PCDH9: variants seen among roughly 807,000 people sequenced by gnomAD.
The protein encoded by PCDH9 is protocadherin-9.
Under a neutral mutation model 70.6 loss-of-function variants are expected in PCDH9, and 24 were observed. That is an observed-to-expected ratio of 0.34 (90% CI 0.25 to 0.48). The LOEUF is 0.48. PCDH9 is among the 20% of genes least tolerant of loss of function. The probability of loss-of-function intolerance (pLI) is 0.99; values close to 1 mark genes in which losing one functional copy is unlikely to be tolerated. For synonymous variants in PCDH9, 562 were observed against 558.5 expected, an observed-to-expected ratio of 1.01 and a Z score of -0.09; for missense variants, 1,281 against 1,503.6, an observed-to-expected ratio of 0.85 and a Z score of 2.45.
chr13:66,708,403 G>GT (rs36087870), intron 3 of PCDH9, among the ~76,000 whole-genome samples: 48,692 of 136,902 alleles, frequency 0.36, 8,893 homozygotes, highest in East Asian at 0.51. Context: ...TTGAGATTTA[G>GT]TTTTTTTTTT....
At chr13:66,428,584 T>C (rs968189330) in intron 4 of PCDH9, among the ~76,000 whole-genome samples, 5 of 151,894 alleles carry the variant, frequency 3.3e-5, no homozygotes, top group Non-Finnish European at 4.4e-5. Context: ...TTAATCCTTT[T>C]ACCCTCAGCA....
chr13:67,036,570 TAA>T (rs1428427934), intron 2 of PCDH9, among the ~76,000 whole-genome samples: 2 of 152,210 alleles, frequency 1.3e-5, no homozygotes, highest in African/African-American at 4.8e-5. Flanking sequence ...CAGTAGTAGA[TAA>T]ATGTCAACTT....
intron 2 of PCDH9, among the ~76,000 whole-genome samples, chr13:67,014,292 T>C (rs1186602753): frequency 2.0e-5 from 3 of 152,122 alleles, no homozygotes; most frequent in East Asian, 1.9e-4. Flanking sequence ...TAGCAATATG[T>C]AGAGGTAGAA....
intron 2 of PCDH9, among the ~76,000 whole-genome samples, chr13:67,190,453 G>A (rs931425998): frequency 1.1e-4 from 13 of 118,378 alleles, no homozygotes; most frequent in African/African-American, 3.7e-4. Flanking sequence ...TAAATTAAGA[G>A]GAAATATTTT....
intron 2 of PCDH9, among the ~76,000 whole-genome samples, chr13:66,957,295 T>G (rs1229396231): frequency 6.6e-6 from 1 of 152,224 alleles, no homozygotes; most frequent in Non-Finnish European, 1.5e-5. Context: ...TGAACTTTTT[T>G]TTTTACACTT....
intron 2 of PCDH9, among the ~76,000 whole-genome samples, chr13:67,142,315 G>T (rs1289594141): frequency 6.6e-6 from 1 of 152,098 alleles, no homozygotes; most frequent in Non-Finnish European, 1.5e-5. Context: ...CATTGATTCA[G>T]TATGGAAATA....
At chr13:66,419,213 C>T (rs1013049840) in intron 4 of PCDH9, among the ~76,000 whole-genome samples, 7 of 46,428 alleles carry the variant, frequency 1.5e-4, no homozygotes, top group Non-Finnish European at 3.1e-4. Context: ...GCCAGCATCA[C>T]GCTGATACCA....
At chr13:66,635,530 T>C (rs1380980701) in intron 3 of PCDH9, among the ~76,000 whole-genome samples, 1 of 152,016 alleles carries the variant, frequency 6.6e-6, no homozygotes, top group East Asian at 1.9e-4. Flanking sequence ...GACACACTGG[T>C]TGGGTTTGAG....
rs1172722548 is a variant in PCDH9 at position 66,814,500 on chromosome 13, A to C, written c.3138+89004T>G. 2.0e-5 allele frequency among the ~76,000 whole-genome samples: 3 copies of C among 152,150 alleles called. No homozygotes were observed. In the East Asian group the frequency reaches 5.8e-4, roughly 29 times the overall value. ...TATAATTTTATCAGAATAAATACTT[A>C]TCAAATTAGTATAATAATAGAAGCC... is the stretch of plus-strand genomic sequence containing the variant. On this transcript the variant is annotated intron_variant, in intron 3 of 4. Transcript: ENST00000377865.
At chr13:66,866,439 G>A (rs1487634974) in intron 3 of PCDH9, among the ~76,000 whole-genome samples, 2 of 151,858 alleles carry the variant, frequency 1.3e-5, no homozygotes, top group Non-Finnish European at 2.9e-5. Context: ...CTGAGATTGC[G>A]CCACTGCACT....
chr13:66,677,118 C>G (rs924086694), intron 3 of PCDH9, among the ~76,000 whole-genome samples: 1 of 152,006 alleles, frequency 6.6e-6, no homozygotes, highest in African/African-American at 2.4e-5. Context: ...ATCAGAGTAC[C>G]TGTCATCCTA....
intron 3 of PCDH9, chr13:66,782,590 T>C (rs1418926841): frequency 6.6e-6 from 1 of 152,156 alleles, no homozygotes; most frequent in Admixed American, 6.6e-5. Context: ...AGAAGTGATG[T>C]TTTAGGCATA....
At chr13:66,573,136 AGAT>A (rs1428853044) in intron 4 of PCDH9, among the ~76,000 whole-genome samples, 1 of 152,152 alleles carries the variant, frequency 6.6e-6, no homozygotes, top group Non-Finnish European at 1.5e-5. Context: ...ACCTGAGGTC[AGAT>A]GATATTCCAT....
chr13:66,778,675 A>C (rs963267078), intron 3 of PCDH9, among the ~76,000 whole-genome samples: 2 of 152,226 alleles, frequency 1.3e-5, no homozygotes, highest in African/African-American at 4.8e-5. Context: ...ATGCTCTAAA[A>C]TATTATTTCA....
chr13:66,997,032 C>G (rs1009792858), intron 2 of PCDH9, among the ~76,000 whole-genome samples: 5 of 152,158 alleles, frequency 3.3e-5, no homozygotes, highest in Non-Finnish European at 7.3e-5. Context: ...ATACCCCTTT[C>G]AAGAGATAAC....
rs1267115592 is a variant in PCDH9, at chr13:67,167,379, C to T, written c.3036+58026G>A. Among the ~76,000 whole-genome samples, 2 of 152,180 alleles carry T rather than the reference C, an allele frequency of 1.3e-5. 1 individual carries two copies. The highest frequency in any genetic ancestry group is 4.1e-4 in the South Asian group (2 of 4,824). ...ATAGTATGATTGTGCGGACTCAAGA[C>T]ACTAATATAAAAATCCATAAGGATA... On this transcript the variant is annotated intron_variant, in intron 2 of 4. Coordinates refer to ENST00000377865, the MANE Select transcript of PCDH9 (RefSeq NM_203487.3).
At chr13:66,860,282 A>G (rs1424454039) in intron 3 of PCDH9, among the ~76,000 whole-genome samples, 2 of 152,084 alleles carry the variant, frequency 1.3e-5, no homozygotes. Flanking sequence ...CTAAAGCTAT[A>G]TAAGCATTCG....
chr13:66,615,603 T>C (rs568954661), intron 4 of PCDH9, among the ~76,000 whole-genome samples: 2 of 152,316 alleles, frequency 1.3e-5, no homozygotes, highest in East Asian at 3.9e-4. Context: ...CTGATAACTT[T>C]GGAGATTGTG....
intron 4 of PCDH9, among the ~76,000 whole-genome samples, chr13:66,405,604 G>C (rs1459661069): frequency 1.3e-5 from 2 of 152,148 alleles, no homozygotes; most frequent in African/African-American, 4.8e-5. Context: ...AATGTTAGAA[G>C]TTATTACATT....
Sources: allele counts gnomAD v4.1 joint callset (sites outside exome capture counted in the v4.1 genomes callset), GRCh38; gene constraint gnomAD v4.1.1; transcripts MANE v1.5; gene names NCBI Gene and HGNC (gene_info 2026-07-23, HGNC 2026-07-21).